Variants in DPF3 observed in about 807,000 individuals in gnomAD.
DPF3 encodes the protein double PHD fingers 3.
DPF3 carries 18 observed loss-of-function variants against 56.8 expected under a neutral mutation model. The ratio of observed to expected loss-of-function variants is 0.32; its 90% CI spans 0.22 to 0.47. The LOEUF is 0.47. Ranked by LOEUF, DPF3 falls within the 20% of genes least tolerant of loss-of-function variation. DPF3 has a pLI of 1.00. For missense variants in DPF3, 403 were observed against 488.8 expected, an observed-to-expected ratio of 0.82 and a Z score of 1.65; for synonymous variants, 188 against 180.2, an observed-to-expected ratio of 1.04 and a Z score of -0.35.
At chr14:72,776,338 A>C (rs1891742078) in intron 1 of DPF3, among the ~76,000 whole-genome samples, 1 of 152,192 alleles carries the variant, frequency 6.6e-6, no homozygotes, top group Admixed American at 6.5e-5. Flanking sequence ...CAGGCTCCCC[A>C]GACAGCATTC....
At chr14:72,708,818 A>C (rs1888529485) in intron 6 of DPF3, among the ~76,000 whole-genome samples, 1 of 152,114 alleles carries the variant, frequency 6.6e-6, no homozygotes, top group Admixed American at 6.6e-5. Context: ...TGCTCCCTTC[A>C]TGTCCTCCAG....
At chr14:72,683,326 C>CA (rs56087517) in intron 7 of DPF3, among the ~76,000 whole-genome samples, 37,146 of 79,338 alleles carry the variant, frequency 0.47, 7,936 homozygotes, top group East Asian at 0.76. Flanking sequence ...GACCCCATCT[C>CA]AAAAAAAAAA....
rs369439705 is a variant in DPF3, at chr14:72,721,301, T to G, written c.525+2332A>C. ...AGACACCCAATTCATATCCACTGACTGCAAGCTCAATCTTCTAAATGTAGG... is the reference window on the plus strand; with the variant it reads ...AGACACCCAATTCATATCCACTGACGGCAAGCTCAATCTTCTAAATGTAGG... On this transcript the variant is annotated intron_variant, in intron 5 of 10. Transcript: ENST00000556509. Among the ~76,000 whole-genome samples the G allele has an allele frequency of 7.2e-5, 11 of 152,356 alleles. No homozygotes were observed. The East Asian group carries it at 1.9e-3, about 27-fold the overall frequency.
At chr14:72,841,277 T>G (rs535516356) in intron 1 of DPF3, among the ~76,000 whole-genome samples, 1 of 152,320 alleles carries the variant, frequency 6.6e-6, no homozygotes, top group East Asian at 1.9e-4. Context: ...GGCACTTCTA[T>G]CTTCTGCATT....
At chr14:72,855,303 A>G (rs1364851633) in intron 1 of DPF3, among the ~76,000 whole-genome samples, 1 of 152,216 alleles carries the variant, frequency 6.6e-6, no homozygotes, top group South Asian at 2.1e-4. Context: ...GGAATGAGGG[A>G]ATTAGGAATT....
intron 2 of DPF3, among the ~76,000 whole-genome samples, chr14:72,767,112 G>A (rs1165509076): frequency 2.6e-5 from 4 of 152,190 alleles, no homozygotes; most frequent in African/African-American, 9.7e-5. Context: ...GCCAAGTAGA[G>A]AAGATGGATT....
At chr14:72,859,469 T>TCCCCCCCCCCCCCCC (rs112629015) in intron 1 of DPF3, among the ~76,000 whole-genome samples, 1 of 60,618 alleles carries the variant, frequency 1.6e-5, no homozygotes, top group Non-Finnish European at 3.6e-5. Flanking sequence ...TGCAGCTTCC[T>TCCCCCCCCCCCCCCC]CCCCCCCCCC....
rs760693715 is a variant in DPF3, at chr14:72,617,124, G to T, written c.*2173C>A. ...CTTGTGTAGGCAGAGCAGACATGGG[G>T]CTGAGATCGAACAGGGCTGCCCTAT... is the stretch of plus-strand genomic sequence containing the variant. On this transcript the variant is annotated 3_prime_UTR_variant, in exon 11 of 11. Coordinates refer to ENST00000556509, the MANE Select transcript of DPF3 (RefSeq NM_001280542.3). Among the ~76,000 whole-genome samples, 1 of 152,182 alleles carries T rather than the reference G, an allele frequency of 6.6e-6. No homozygotes were observed.
chr14:72,671,845 G>A (rs371324091), intron 8 of DPF3, among the ~76,000 whole-genome samples: 4 of 152,168 alleles, frequency 2.6e-5, no homozygotes, highest in East Asian at 3.9e-4. Context: ...TATTTTACCC[G>A]CTTCTAATCC....
At chr14:72,794,556 A>G (rs1892562050) in intron 1 of DPF3, among the ~76,000 whole-genome samples, 1 of 152,144 alleles carries the variant, frequency 6.6e-6, no homozygotes, top group Non-Finnish European at 1.5e-5. Flanking sequence ...CCTATCTCAC[A>G]GCACACATCC....
intron 1 of DPF3, among the ~76,000 whole-genome samples, chr14:72,796,150 T>C (rs1892637842): frequency 6.6e-6 from 1 of 152,234 alleles, no homozygotes; most frequent in Non-Finnish European, 1.5e-5. Flanking sequence ...GAATTTGATC[T>C]GCTAATTAGC....
At chr14:72,818,890 T>G (rs549419154) in intron 1 of DPF3, among the ~76,000 whole-genome samples, 2 of 151,574 alleles carry the variant, frequency 1.3e-5, no homozygotes, top group African/African-American at 2.4e-5. Flanking sequence ...AGTACATATA[T>G]GTACATAGTA....
At chr14:72,653,050 G>A (rs1176311433) in intron 8 of DPF3, among the ~76,000 whole-genome samples, 6 of 152,182 alleles carry the variant, frequency 3.9e-5, no homozygotes, top group Non-Finnish European at 7.3e-5. Context: ...TTTCAGCCAG[G>A]CATAAGCAAG....
intron 6 of DPF3, among the ~76,000 whole-genome samples, chr14:72,712,372 C>T (rs1888692494): frequency 6.6e-6 from 1 of 151,998 alleles, no homozygotes; most frequent in Non-Finnish European, 1.5e-5. Context: ...AGATGATCCA[C>T]AAGGAGGCAG....
intron 1 of DPF3, among the ~76,000 whole-genome samples, chr14:72,792,091 C>T (rs917666891): frequency 2.6e-5 from 4 of 152,154 alleles, no homozygotes; most frequent in African/African-American, 9.7e-5. Context: ...TGCCCCCCAC[C>T]CCCGCCCCCA....
At chr14:72,728,725 G>T (rs1010311755) in intron 4 of DPF3, among the ~76,000 whole-genome samples, 1 of 152,086 alleles carries the variant, frequency 6.6e-6, no homozygotes, top group Admixed American at 6.6e-5. Flanking sequence ...GGGTGCTTAT[G>T]AGATATAAGC....
intron 8 of DPF3, among the ~76,000 whole-genome samples, chr14:72,673,845 C>T (rs1214385710): frequency 1.3e-5 from 2 of 152,210 alleles, no homozygotes; most frequent in South Asian, 4.1e-4. Context: ...CCACACTCTT[C>T]GGGTTTGCCC....
At position 72,613,580 on chromosome 14, in the gene DPF3, G is replaced by A. The variant is rs951179862; in HGVS notation, c.*5717C>T. On this transcript the variant is annotated 3_prime_UTR_variant, in exon 11 of 11. Coordinates refer to ENST00000556509, the MANE Select transcript of DPF3 (RefSeq NM_001280542.3). The stretch of plus-strand genomic sequence containing the variant: ...AAGGGAAGGAGTGGGGACAGAAGCT[G>A]GAACAAAGGGCCCTGGGGAGTCACC... 1.3e-5 allele frequency among the ~76,000 whole-genome samples: 2 copies of A among 152,176 alleles called. No individual in the cohort carries two copies. The highest frequency in any genetic ancestry group is 6.5e-5 in the Admixed American group (1 of 15,286).
intron 6 of DPF3, among the ~76,000 whole-genome samples, chr14:72,704,387 C>T (rs184395290): frequency 8.5e-5 from 13 of 152,304 alleles, no homozygotes; most frequent in African/African-American, 3.1e-4. Flanking sequence ...GCTGAGGCAG[C>T]CCCCAGGCAT....
Sources: gnomAD v4.1 joint callset for allele counts (sites outside exome capture counted in the v4.1 genomes callset) on GRCh38, gnomAD v4.1.1 for gene constraint, MANE v1.5 for transcripts, NCBI Gene and HGNC (gene_info 2026-07-23, HGNC 2026-07-21) for gene names.